CTNNA3: variants seen among roughly 807,000 people sequenced by gnomAD.
The protein encoded by CTNNA3 is catenin alpha 3.
CTNNA3 carries 76 observed loss-of-function variants against 95.7 expected under a neutral mutation model. That is an observed-to-expected ratio of 0.79 (90% CI 0.66 to 0.96). The LOEUF is 0.96. CTNNA3 is among the 40% of genes least tolerant of loss of function. CTNNA3 has a pLI of 0.00. For missense variants in CTNNA3, 1,191 were observed against 1,089.8 expected, an observed-to-expected ratio of 1.09 and a Z score of -1.31; for synonymous variants, 431 against 374.4, an observed-to-expected ratio of 1.15 and a Z score of -1.74.
intron 1 of CTNNA3, among the ~76,000 whole-genome samples, chr10:67,729,474 AT>A (rs1450678074): frequency 1.3e-5 from 2 of 152,164 alleles, no homozygotes; most frequent in Non-Finnish European, 2.9e-5. Flanking sequence ...TGTTAATCTA[AT>A]TTTTAAAACA....
chr10:65,935,337 A>C (rs1197712116), intron 17 of CTNNA3, among the ~76,000 whole-genome samples: 2 of 152,120 alleles, frequency 1.3e-5, no homozygotes, highest in African/African-American at 4.8e-5. Flanking sequence ...GATAATTTGC[A>C]CTAACTTGGT....
intron 2 of CTNNA3, among the ~76,000 whole-genome samples, chr10:67,628,536 A>T (rs7076291): frequency 1.3e-5 from 2 of 152,032 alleles, no homozygotes; most frequent in Non-Finnish European, 2.9e-5. Context: ...ATTTTCCCAA[A>T]GACCCCTGAA....
At chr10:67,533,295 G>C (rs955327200) in intron 4 of CTNNA3, among the ~76,000 whole-genome samples, 2 of 150,988 alleles carry the variant, frequency 1.3e-5, no homozygotes, top group Non-Finnish European at 2.9e-5. Flanking sequence ...TTGCACTCCA[G>C]GTGTGCAAAA....
intron 10 of CTNNA3, among the ~76,000 whole-genome samples, chr10:66,530,610 A>G (rs1248239917): frequency 6.6e-6 from 1 of 152,150 alleles, no homozygotes; most frequent in East Asian, 1.9e-4. Flanking sequence ...ATGTTAAATG[A>G]TAAAAGCATT....
chr10:67,640,420 C>A (rs551103122), intron 2 of CTNNA3, among the ~76,000 whole-genome samples: 37 of 152,226 alleles, frequency 2.4e-4, no homozygotes, highest in African/African-American at 8.9e-4. Flanking sequence ...ATGAAAATGG[C>A]CATACTGCCC....
rs1294140884 is a variant in CTNNA3, at chr10:66,592,702, T to C, written c.1374+28990A>G. ...TAGTGTGGGTTGAAGAATGGTAATTTGTGCTGGGTTTTAAAACAATAAAAG... is the reference window on the plus strand; with the variant it reads ...TAGTGTGGGTTGAAGAATGGTAATTCGTGCTGGGTTTTAAAACAATAAAAG... On this transcript the variant is annotated intron_variant, in intron 10 of 17. Coordinates refer to ENST00000433211, the MANE Select transcript of CTNNA3 (RefSeq NM_013266.4). 3.3e-5 allele frequency among the ~76,000 whole-genome samples: 5 copies of C among 152,194 alleles called. No individual in the cohort carries two copies. The East Asian group carries it at 9.6e-4, about 29-fold the overall frequency.
In CTNNA3 at chr10:66,470,042, T is replaced by C. The variant is rs1349178072; in HGVS notation, c.1531+50575A>G. ...TATTTTGAGAAGGATCCACTTTAAGTAGTAAAACACACATGACATATAAAA... is the reference window on the plus strand; with the variant it reads ...TATTTTGAGAAGGATCCACTTTAAGCAGTAAAACACACATGACATATAAAA... On this transcript the variant is annotated intron_variant, in intron 11 of 17. Transcript: ENST00000433211. 2.0e-5 allele frequency among the ~76,000 whole-genome samples: 3 copies of C among 151,830 alleles called. No homozygotes were observed. In the East Asian group the frequency reaches 5.8e-4, roughly 29 times the overall value.
At chr10:67,647,284 T>C in intron 2 of CTNNA3, 131 bp downstream of exon 2, 1 of 608,940 alleles carries the variant, frequency 1.6e-6, no homozygotes. Flanking sequence ...TTAACAACTC[T>C]TTAAAGGACA....
At chr10:66,830,754 C>T (rs551633057) in intron 7 of CTNNA3, among the ~76,000 whole-genome samples, 51 of 152,186 alleles carry the variant, frequency 3.4e-4, no homozygotes, top group Middle Eastern at 6.8e-3. Context: ...GGACTACAGG[C>T]GCCCGCCATC....
intron 11 of CTNNA3, among the ~76,000 whole-genome samples, chr10:66,489,639 T>C (rs1839854669): frequency 6.6e-6 from 1 of 152,122 alleles, no homozygotes; most frequent in Non-Finnish European, 1.5e-5. Flanking sequence ...TAAAGAAGCT[T>C]CCTAAATGAA....
At chr10:67,049,912 G>A (rs74233473) in intron 7 of CTNNA3, among the ~76,000 whole-genome samples, 3,774 of 152,272 alleles carry the variant, frequency 0.025, 120 homozygotes, top group East Asian at 0.14. Context: ...AGCATATGCT[G>A]TGTTTCACAT....
At chr10:66,470,376 G>C (rs1202955737) in intron 11 of CTNNA3, among the ~76,000 whole-genome samples, 1 of 151,804 alleles carries the variant, frequency 6.6e-6, no homozygotes, top group Admixed American at 6.6e-5. Context: ...AATATCTATA[G>C]GATTTGTAGA....
chr10:67,506,935 A>G (rs1387430699), intron 5 of CTNNA3, among the ~76,000 whole-genome samples: 1 of 152,226 alleles, frequency 6.6e-6, no homozygotes, highest in African/African-American at 2.4e-5. Context: ...CCAGAGCTAA[A>G]GTATGACATT....
At chr10:66,649,349 G>A (rs1845816492) in intron 9 of CTNNA3, among the ~76,000 whole-genome samples, 1 of 152,042 alleles carries the variant, frequency 6.6e-6, no homozygotes, top group South Asian at 2.1e-4. Context: ...AAGTTCACAA[G>A]AGCTAAAGAA....
At position 66,927,516 on chromosome 10, in the gene CTNNA3, C is replaced by T; in HGVS notation, c.1048-151992G>A. 6.2e-7 allele frequency: 1 copy of T among 1,614,166 alleles called. No homozygotes were observed. On this transcript the variant is annotated intron_variant, in intron 7 of 17. Transcript: ENST00000433211. The surrounding 1 kb of genome is among the most constrained non-coding windows in gnomAD (Gnocchi z 4.7). Reference sequence around the variant, plus strand: ...GGATCCGAAGTTTAGCCAGGAATGTCTTTGCTGGCATGATCAGACTCAAAG... The same window carrying T: ...GGATCCGAAGTTTAGCCAGGAATGTTTTTGCTGGCATGATCAGACTCAAAG...
chr10:67,327,331 T>C (rs1043557544), intron 5 of CTNNA3, among the ~76,000 whole-genome samples: 1 of 152,244 alleles, frequency 6.6e-6, no homozygotes, highest in Non-Finnish European at 1.5e-5. Flanking sequence ...GTTCTTGTGC[T>C]GATTCCTTCT....
intron 5 of CTNNA3, among the ~76,000 whole-genome samples, chr10:67,347,720 G>A (rs1343227753): frequency 1.3e-5 from 2 of 151,224 alleles, no homozygotes; most frequent in African/African-American, 2.4e-5. Flanking sequence ...AGGTTTTGAG[G>A]TGTATCCAGA....
chr10:66,389,681 T>C (rs2092920672), intron 11 of CTNNA3, among the ~76,000 whole-genome samples: 1 of 151,712 alleles, frequency 6.6e-6, no homozygotes, highest in African/African-American at 2.4e-5. Flanking sequence ...TTTTTAAAAT[T>C]ATAATTTTTT....
At chr10:65,996,638 G>T (rs974165540) in intron 15 of CTNNA3, among the ~76,000 whole-genome samples, 1 of 152,162 alleles carries the variant, frequency 6.6e-6, no homozygotes, top group Non-Finnish European at 1.5e-5. Context: ...TATCCAGGCT[G>T]CTTCCTGTGG....
Sources: gnomAD v4.1 joint callset for allele counts (sites outside exome capture counted in the v4.1 genomes callset) on GRCh38, gnomAD v4.1.1 for gene constraint, Gnocchi (gnomAD v3.1) non-coding constraint, MANE v1.5 for transcripts, NCBI Gene and HGNC (gene_info 2026-07-23, HGNC 2026-07-21) for gene names.